SPATA9: variants seen among roughly 807,000 people sequenced by gnomAD.
The protein encoded by SPATA9 is spermatogenesis associated 9, also known as spermatogenesis-associated protein 9.
SPATA9 carries 27 observed loss-of-function variants against 25.5 expected under a neutral mutation model. That is an observed-to-expected ratio of 1.06 (90% CI 0.78 to 1.46). The LOEUF is 1.46. Among genes scored for constraint, SPATA9 ranks in the 40% most tolerant of loss-of-function variants. SPATA9 has a pLI of 0.00. For synonymous variants in SPATA9, 102 were observed against 105.7 expected (o/e 0.97, Z 0.21); for missense variants, 282 against 297.5 (o/e 0.95, Z 0.38).
chr5:95,691,948 ATCGCTTTTGC>A (rs1753904667), intron 1 of SPATA9, among the ~76,000 whole-genome samples: 1 of 152,164 alleles, frequency 6.6e-6, no homozygotes, highest in African/African-American at 2.4e-5. Context: ...TATGAATATG[ATCGCTTTTGC>A]CCCTCAATTT....
upstream of SPATA9, among the ~76,000 whole-genome samples, chr5:95,684,069 C>A (rs1265876454): frequency 6.6e-6 from 1 of 152,120 alleles, no homozygotes; most frequent in African/African-American, 2.4e-5. Context: ...TCTTAGTCCA[C>A]AATCTGCCTT....
At chr5:95,656,183 G>A (rs764027996), downstream of SPATA9, 10 of 1,613,948 alleles carry the variant, frequency 6.2e-6, no homozygotes, top group African/African-American at 4.0e-5. Context: ...AAGGAATAAA[G>A]CAAAGGATTC....
At chr5:95,660,135 T>A (rs1339260354) in intron 4 of SPATA9, among the ~76,000 whole-genome samples, 1 of 151,942 alleles carries the variant, frequency 6.6e-6, no homozygotes, top group East Asian at 1.9e-4. Flanking sequence ...TTCTGGAGAG[T>A]GGGAAATCCG....
chr5:95,700,047 G>A (rs1468183597), upstream of SPATA9, among the ~76,000 whole-genome samples: 1 of 152,076 alleles, frequency 6.6e-6, no homozygotes, highest in African/African-American at 2.4e-5. Context: ...TCTATGAAGA[G>A]CGTCAAGAAG....
At chr5:95,680,771 A>C (rs1040725116) in intron 2 of SPATA9, among the ~76,000 whole-genome samples, 2 of 152,116 alleles carry the variant, frequency 1.3e-5, no homozygotes, top group African/African-American at 4.8e-5. Flanking sequence ...TCCAACCTAC[A>C]TATGCAATTT....
At chr5:95,658,176 T>C (rs1003670317), downstream of SPATA9, 2 of 152,552 alleles carry the variant, frequency 1.3e-5, no homozygotes, top group Non-Finnish European at 2.9e-5. Flanking sequence ...ACTTTGCAAG[T>C]GATTTACAAA....
chr5:95,680,883 T>C (rs1392703666), intron 2 of SPATA9, among the ~76,000 whole-genome samples: 4 of 152,194 alleles, frequency 2.6e-5, no homozygotes, highest in Non-Finnish European at 2.9e-5. Context: ...ATCTTGTCTT[T>C]GGTCCTAGTT....
chr5:95,652,425 C>T (rs1392993575), downstream of SPATA9: 1 of 1,469,452 alleles, frequency 6.8e-7, no homozygotes, highest in Non-Finnish European at 9.2e-7. Flanking sequence ...GTTGACTTGA[C>T]ATCTCTACTT....
intron 1 of SPATA9, among the ~76,000 whole-genome samples, chr5:95,692,772 C>G (rs1429982620): frequency 6.6e-6 from 1 of 151,986 alleles, no homozygotes. Flanking sequence ...TTTCTTTCTA[C>G]TTGATTGACT....
At chr5:95,709,181 C>T in the SPATA9 span, among the ~76,000 whole-genome samples, 1 of 152,260 alleles carries the variant, frequency 6.6e-6, no homozygotes, top group Non-Finnish European at 1.5e-5. Context: ...GGCAGGGCCC[C>T]ATCTGTTCAG....
chr5:95,731,659 C>T, the SPATA9 span: 2 of 1,613,168 alleles, frequency 1.2e-6, no homozygotes, highest in Non-Finnish European at 1.7e-6. Context: ...TCCGAGTCGC[C>T]GCCCTGCCCT....
chr5:95,682,386 G>T, intron 2 of SPATA9, 142 bp downstream of exon 2: 1 of 609,080 alleles, frequency 1.6e-6, no homozygotes. Context: ...AGTAATATTT[G>T]AAATTTGTTT....
Position 95,658,638 on chromosome 5 carries a change from C to G in SPATA9, c.750G>C (p.Met250Ile), listed in dbSNP as rs200808648. The G allele has an allele frequency of 5.0e-5, 81 of 1,612,758 alleles. No homozygotes were observed. Among genetic ancestry groups the G allele is most frequent in the Middle Eastern group, 1.7e-4 (1 of 6,050 alleles). Residue 250 changes from methionine (M) to isoleucine (I), a missense_variant, in exon 5 of 5, where the codon ATG becomes ATC. Met to Ile is a conservative substitution (Grantham distance 10, BLOSUM62 1). Coordinates refer to ENST00000274432, the MANE Select transcript of SPATA9 (RefSeq NM_031952.4). ...LHSVFDQSAE[M>I]NEQI Reference sequence around the variant, plus strand: ...ATACCTGTATTCAGATTTGCTCATTCATTTCAGCTGATTGGTCAAACACAG... The same window carrying G: ...ATACCTGTATTCAGATTTGCTCATTGATTTCAGCTGATTGGTCAAACACAG...
chr5:95,692,058 T>C (rs2548133), intron 1 of SPATA9, among the ~76,000 whole-genome samples: 86,392 of 151,952 alleles, frequency 0.57, 24,732 homozygotes, highest in East Asian at 0.8. Flanking sequence ...ATTACATTTG[T>C]ATTTGATATC....
At chr5:95,691,164 C>T (rs12520693) in intron 1 of SPATA9, among the ~76,000 whole-genome samples, 3 of 149,074 alleles carry the variant, frequency 2.0e-5, no homozygotes, top group Non-Finnish European at 3.0e-5. Context: ...TGCAGTGAGC[C>T]GAGATCGTGC....
intron 4 of SPATA9, among the ~76,000 whole-genome samples, 194 bp from the exon 5 acceptor site, chr5:95,659,107 T>A (rs1580278287): frequency 6.6e-6 from 1 of 152,182 alleles, no homozygotes; most frequent in Non-Finnish European, 1.5e-5. Flanking sequence ...CATTACAATC[T>A]AGAGAGCAAT....
the SPATA9 span, among the ~76,000 whole-genome samples, chr5:95,708,004 A>G: frequency 2.0e-5 from 3 of 152,360 alleles, no homozygotes; most frequent in East Asian, 5.8e-4. Context: ...TTACAAAATT[A>G]AGAAACCAAT....
At chr5:95,656,465 A>C (rs1750769191), downstream of SPATA9, 7 of 605,664 alleles carry the variant, frequency 1.2e-5, no homozygotes, top group Non-Finnish European at 2.0e-5. Flanking sequence ...CATACTTAGT[A>C]TGATGTAAGG....
the SPATA9 span, chr5:95,730,893 C>T: frequency 2.2e-6 from 1 of 455,872 alleles, no homozygotes; most frequent in Non-Finnish European, 4.4e-6. Context: ...AAGCGGCAGA[C>T]GTGGTAAAGC....
Sources: allele counts gnomAD v4.1 joint callset (sites outside exome capture counted in the v4.1 genomes callset), GRCh38; gene constraint gnomAD v4.1.1; transcripts MANE v1.5; gene names NCBI Gene and HGNC (gene_info 2026-07-23, HGNC 2026-07-21).